Variants in GINS1 observed in about 807,000 individuals in gnomAD.
GINS1 encodes the protein GINS complex subunit 1.
A neutral mutation model predicts 34.9 loss-of-function variants in GINS1; 26 were observed. The observed-to-expected ratio is 0.74, with a 90% CI of 0.55 to 1.03. The LOEUF is 1.03. GINS1 is among the 50% of genes least tolerant of loss of function. GINS1 has a pLI of 0.00. For synonymous variants in GINS1, 97 were observed against 84.4 expected (o/e 1.15, Z -0.82); for missense variants, 235 against 237.9 (o/e 0.99, Z 0.08).
chr20:25,445,655 T>C (rs762767816), intron 6 of GINS1, among the ~76,000 whole-genome samples: 18 of 152,122 alleles, frequency 1.2e-4, no homozygotes, highest in Non-Finnish European at 2.1e-4. Flanking sequence ...GCCAACTTTG[T>C]ATTTTTTAGT....
chr20:25,419,702 G>T, intron 4 of GINS1: 1 of 432,420 alleles, frequency 2.3e-6, no homozygotes, highest in Admixed American at 3.7e-5. Flanking sequence ...TCGCTCTGTT[G>T]CCCAGGCTGG....
chr20:25,411,636 C>T (rs1365300324), intron 1 of GINS1, among the ~76,000 whole-genome samples: 2 of 142,804 alleles, frequency 1.4e-5, no homozygotes, highest in Non-Finnish European at 3.1e-5. Flanking sequence ...CTGTCTCTAC[C>T]AAAAAAAAAA....
At chr20:25,424,396 C>G (rs1007278254) in intron 4 of GINS1, among the ~76,000 whole-genome samples, 2 of 152,144 alleles carry the variant, frequency 1.3e-5, no homozygotes, top group African/African-American at 4.8e-5. Flanking sequence ...ATTGAATCAT[C>G]CAATCTGTGA....
chr20:25,428,511 C>T (rs1369141948), intron 5 of GINS1, among the ~76,000 whole-genome samples: 1 of 143,368 alleles, frequency 7.0e-6, no homozygotes, highest in East Asian at 2.0e-4. Flanking sequence ...TCACGCCATT[C>T]TCCTGCCTCA....
intron 6 of GINS1, among the ~76,000 whole-genome samples, chr20:25,443,882 T>C (rs1360446906): frequency 6.6e-6 from 1 of 152,114 alleles, no homozygotes; most frequent in African/African-American, 2.4e-5. Flanking sequence ...CAGTTGATGG[T>C]TGGTATTAGG....
chr20:25,434,494 CTGGGG>C (rs2146215736), intron 5 of GINS1, among the ~76,000 whole-genome samples: 1 of 151,538 alleles, frequency 6.6e-6, no homozygotes, highest in South Asian at 2.1e-4. Context: ...GTCATCCAGG[CTGGGG>C]TGTGGTGGTA....
chr20:25,410,186 A>G (rs2090274882), intron 1 of GINS1, among the ~76,000 whole-genome samples: 1 of 151,882 alleles, frequency 6.6e-6, no homozygotes, highest in Admixed American at 6.6e-5. Context: ...CTAAAAATAC[A>G]AAAAATTAGC....
intron 4 of GINS1, among the ~76,000 whole-genome samples, chr20:25,420,694 A>G (rs1030500206): frequency 2.0e-5 from 3 of 151,470 alleles, no homozygotes; most frequent in Non-Finnish European, 2.9e-5. Context: ...GGGCAGGACA[A>G]TTGCTTGAGC....
At position 25,419,684 on chromosome 20, in the gene GINS1, A is replaced by T. The variant is rs7260752; in HGVS notation, c.330+1489A>T. 2,206 of 534,992 alleles carry T rather than the reference A, an allele frequency of 4.1e-3. 8 individuals are homozygous for T. Among genetic ancestry groups the T allele is most frequent in the African/African-American group, 0.018 (856 of 47,894 alleles). 33.1% of individuals were successfully genotyped at this position (534,992 alleles called of 1,614,324 possible). A position where few individuals can be genotyped will look rare whatever the true frequency, so the allele number is the denominator to read the frequency against. The stretch of plus-strand genomic sequence containing the variant: ...TTAATTTTTTTGTGTATTTTTTGAG[A>T]TGGAATCTCGCTCTGTTGCCCAGGC... On this transcript the variant is annotated intron_variant, in intron 4 of 6. Coordinates refer to ENST00000262460, the MANE Select transcript of GINS1 (RefSeq NM_021067.5).
At chr20:25,424,791 T>C (rs372332464) in intron 4 of GINS1, among the ~76,000 whole-genome samples, 69 of 152,334 alleles carry the variant, frequency 4.5e-4, no homozygotes, top group African/African-American at 1.6e-3. Flanking sequence ...TTACTTATGG[T>C]TAAATAATGT....
intron 4 of GINS1, among the ~76,000 whole-genome samples, chr20:25,424,893 A>G: frequency 6.6e-6 from 1 of 152,200 alleles, no homozygotes; most frequent in East Asian, 1.9e-4. Flanking sequence ...GCATCAATGC[A>G]GAGTTTGAAG....
At chr20:25,432,327 T>G (rs1288179939) in intron 5 of GINS1, among the ~76,000 whole-genome samples, 1 of 152,168 alleles carries the variant, frequency 6.6e-6, no homozygotes, top group Non-Finnish European at 1.5e-5. Flanking sequence ...TTTTTTTTTT[T>G]TGAGACGGAG....
At chr20:25,443,848 A>C (rs1330097957) in intron 6 of GINS1, among the ~76,000 whole-genome samples, 5 of 152,096 alleles carry the variant, frequency 3.3e-5, no homozygotes, top group African/African-American at 4.8e-5. Flanking sequence ...AAATGGAGGC[A>C]TGAAAAAGAA....
intron 5 of GINS1, among the ~76,000 whole-genome samples, chr20:25,429,559 ATATTT>A (rs1160078537): frequency 2.0e-5 from 3 of 151,978 alleles, no homozygotes; most frequent in Admixed American, 6.6e-5. Context: ...TAATTTCTAT[ATATTT>A]TATTCTTTTC....
At chr20:25,430,497 G>A (rs890274127) in intron 5 of GINS1, among the ~76,000 whole-genome samples, 4 of 152,080 alleles carry the variant, frequency 2.6e-5, no homozygotes, top group Non-Finnish European at 5.9e-5. Context: ...CTATGCTGCT[G>A]AATTTGATTT....
chr20:25,435,810 CTTTTTTTT>C lies in GINS1; in HGVS notation c.448-5879_448-5872del, dbSNP rs199615377. 1.7e-3 allele frequency among the ~76,000 whole-genome samples: 185 copies of C among 108,544 alleles called. 2 individuals are homozygous for C. The highest frequency in any genetic ancestry group is 6.2e-3 in the Middle Eastern group (1 of 162). 71.2% of individuals were successfully genotyped at this position (108,544 alleles called of 152,430 possible). On this transcript the variant is annotated intron_variant, in intron 5 of 6. Coordinates refer to ENST00000262460, the MANE Select transcript of GINS1 (RefSeq NM_021067.5). Reference sequence around the variant, plus strand: ...AAAACCAACTTTTTGTAGAGTTACACTTTTTTTTTTTTTTTTTTTTGAGACGGAGTCTC... The same window carrying C: ...AAAACCAACTTTTTGTAGAGTTACACTTTTTTTTTTTTGAGACGGAGTCTC...
chr20:25,425,105 C>A, intron 4 of GINS1, 106 bp from the exon 5 acceptor site: 1 of 621,398 alleles, frequency 1.6e-6, no homozygotes, highest in South Asian at 2.3e-5. Context: ...AATGAATGGT[C>A]ACAACAGTGA....
At chr20:25,435,541 C>T (rs1163322715) in intron 5 of GINS1, among the ~76,000 whole-genome samples, 1 of 151,990 alleles carries the variant, frequency 6.6e-6, no homozygotes, top group Non-Finnish European at 1.5e-5. Flanking sequence ...AGGCAGATCA[C>T]AAGGTCAGGA....
At chr20:25,413,490 A>G (rs991497805) in intron 1 of GINS1, 8 of 310,218 alleles carry the variant, frequency 2.6e-5, no homozygotes, top group East Asian at 5.6e-5. Flanking sequence ...TCTTGAGTAT[A>G]TATATACACC....
Sources: gnomAD v4.1 joint callset for allele counts (sites outside exome capture counted in the v4.1 genomes callset) on GRCh38, gnomAD v4.1.1 for gene constraint, MANE v1.5 for transcripts, NCBI Gene and HGNC (gene_info 2026-07-23, HGNC 2026-07-21) for gene names.